The following TMEM143 variants were observed in gnomAD, a reference collection of about 807,000 sequenced individuals.
The protein encoded by TMEM143 is transmembrane protein 143.
TMEM143 carries 45 observed loss-of-function variants against 40.3 expected under a neutral mutation model. That is an observed-to-expected ratio of 1.12 (90% CI 0.88 to 1.43). TMEM143 has a LOEUF of 1.43. Among genes scored for constraint, TMEM143 ranks in the 40% most tolerant of loss-of-function variants. The pLI is 0.00. For synonymous variants in TMEM143, 299 were observed against 282.7 expected (o/e 1.06, Z -0.58); for missense variants, 620 against 613.4 (o/e 1.01, Z -0.11).
intron 6 of TMEM143, among the ~76,000 whole-genome samples, chr19:48,334,438 C>T (rs1555885551): frequency 8.4e-5 from 3 of 35,630 alleles, no homozygotes; most frequent in African/African-American, 1.4e-4. Flanking sequence ...TTCTTTCTTT[C>T]TTTCTTTCTT....
At chr19:48,334,497 G>T (rs924238849) in intron 6 of TMEM143, among the ~76,000 whole-genome samples, 43 of 45,548 alleles carry the variant, frequency 9.4e-4, no homozygotes, top group South Asian at 3.9e-3. Context: ...TCTTTCTTTC[G>T]TTCTTTCTTT....
chr19:48,343,059 T>G, intron 5 of TMEM143: 1 of 670,642 alleles, frequency 1.5e-6, no homozygotes. Flanking sequence ...ATCTTCAGAA[T>G]GTGGACCTCC....
At position 48,345,333 on chromosome 19, in the gene TMEM143, G is replaced by T; in HGVS notation, c.391C>A (p.Pro131Thr). ...GGCTGATCGAGGGTCTCCCTGTCAG[G>T]GTTGATGGGGTCATATAAGGCCTAA... ...RLQALYDPIN[P>T]DRETLDQPSL... is the part of the protein sequence containing the mutation. The change falls in exon 4 of 8, where the codon CCT (proline) becomes ACT (threonine). Residue 131 changes from proline (P) to threonine (T), a missense_variant. Transcript: ENST00000293261. 6.3e-7 allele frequency: 1 copy of T among 1,576,178 alleles called. No homozygotes were observed. The highest frequency in any genetic ancestry group is 8.6e-7 in the Non-Finnish European group (1 of 1,162,914).
Position 48,334,265 on chromosome 19 carries a change from G to GTCAC in TMEM143, c.976-72_976-69dup. On this transcript the variant is annotated intron_variant, in intron 6 of 7. Transcript: ENST00000293261. ...CCCCCACCCATACACAGCCCCCGGGGTCACCCCCGCTGGCACGGCCCACGC... is the reference window on the plus strand; with the variant it reads ...CCCCCACCCATACACAGCCCCCGGGGTCACTCACCCCCGCTGGCACGGCCCACGC... The GTCAC allele has an allele frequency of 2.7e-6, 4 of 1,479,980 alleles. No individual in the cohort carries two copies. The South Asian group carries it at 5.1e-5, about 19-fold the overall frequency. 91.7% of individuals were successfully genotyped at this position (1,479,980 alleles called of 1,614,324 possible). A position where few individuals can be genotyped will look rare whatever the true frequency, so the allele number is the denominator to read the frequency against.
chr19:48,333,450 AGGT>A lies in TMEM143; in HGVS notation c.1166-20_1166-18del. 9.2e-6 allele frequency: 14 copies of A among 1,516,526 alleles called. No homozygotes were observed. Among genetic ancestry groups the A allele is most frequent in the African/African-American group, 1.4e-5 (1 of 72,834 alleles). 93.9% of individuals were successfully genotyped at this position (1,516,526 alleles called of 1,614,324 possible). A position where few individuals can be genotyped will look rare whatever the true frequency, so the allele number is the denominator to read the frequency against. Reference sequence around the variant, plus strand: ...TGGAGGTCTCTGCAAGGGGAGAGGCAGGTGTTCTGAGGTCACACTGAGATCGGG... The same window carrying A: ...TGGAGGTCTCTGCAAGGGGAGAGGCAGTTCTGAGGTCACACTGAGATCGGG... On this transcript the variant is annotated intron_variant, in intron 7 of 7. Transcript: ENST00000293261. The surrounding 1 kb of genome is among the most constrained non-coding windows in gnomAD (Gnocchi z 4.1).
chr19:48,344,953 C>G (rs1969586267), intron 4 of TMEM143, among the ~76,000 whole-genome samples: 1 of 152,192 alleles, frequency 6.6e-6, no homozygotes, highest in Non-Finnish European at 1.5e-5. Context: ...GGTGATCCAC[C>G]CACCTTGGAC....
chr19:48,338,845 A>G (rs1969428154), intron 6 of TMEM143, among the ~76,000 whole-genome samples: 1 of 152,074 alleles, frequency 6.6e-6, no homozygotes, highest in Non-Finnish European at 1.5e-5. Context: ...CCAGCCTGGG[A>G]CATCCGGGAA....
intron 3 of TMEM143, among the ~76,000 whole-genome samples, chr19:48,351,669 A>G (rs1969777858): frequency 1.3e-5 from 2 of 151,686 alleles, no homozygotes; most frequent in South Asian, 4.2e-4. Flanking sequence ...TCCACACACC[A>G]TGCACACTGC....
At chr19:48,360,428 A>C (rs1365556286) in intron 2 of TMEM143, 1 of 388,156 alleles carries the variant, frequency 2.6e-6, no homozygotes, top group Non-Finnish European at 4.8e-6. Flanking sequence ...AAATACAAAA[A>C]TTAGCCGGGC....
chr19:48,361,824 G>T (rs1970047616), intron 2 of TMEM143, among the ~76,000 whole-genome samples: 1 of 152,186 alleles, frequency 6.6e-6, no homozygotes, highest in Non-Finnish European at 1.5e-5. Context: ...ACCGCGCCCG[G>T]CCTTGAACCA....
chr19:48,336,593 T>G (rs1029747162), intron 6 of TMEM143, among the ~76,000 whole-genome samples: 2 of 151,988 alleles, frequency 1.3e-5, no homozygotes, highest in African/African-American at 4.8e-5. Flanking sequence ...TTCCCGCTAC[T>G]CAGGAGGCTG....
chr19:48,363,521 T>C lies in TMEM143; in HGVS notation c.34A>G (p.Lys12Glu), dbSNP rs769823504. 11 of 1,609,388 alleles carry C rather than the reference T, an allele frequency of 6.8e-6. No individual in the cohort carries two copies. The highest frequency in any genetic ancestry group is 9.3e-6 in the Non-Finnish European group (11 of 1,177,580). The part of the protein sequence containing the change: ...TVELWLRLRG[K>E]GLAMLHVTRG... Reference sequence around the variant, plus strand: ...GTCACATGCAGCATGGCTAGACCCTTTCCCCGGAGCCTAAACAGAGGAAAA... The same window carrying C: ...GTCACATGCAGCATGGCTAGACCCTCTCCCCGGAGCCTAAACAGAGGAAAA... The change falls in exon 2 of 8, where the codon AAG becomes GAG. Residue 12 changes from lysine (K) to glutamate (E), a missense_variant. By Grantham distance (56) the Lys-to-Glu change is moderately conservative (BLOSUM62 1). Coordinates refer to ENST00000293261, the MANE Select transcript of TMEM143 (RefSeq NM_018273.4).
chr19:48,340,697 TG>T (rs1359800846), intron 6 of TMEM143, among the ~76,000 whole-genome samples: 1 of 152,132 alleles, frequency 6.6e-6, no homozygotes, highest in East Asian at 1.9e-4. Context: ...CGGGCCTCCC[TG>T]CCTCTCATCT....
At position 48,342,682 on chromosome 19, in the gene TMEM143, T is replaced by C. The variant is rs1969525491; in HGVS notation, c.823A>G (p.Thr275Ala). The C allele has an allele frequency of 1.9e-6, 3 of 1,614,128 alleles. No homozygotes were observed. Among genetic ancestry groups the C allele is most frequent in the Non-Finnish European group, 2.5e-6 (3 of 1,180,002 alleles). The stretch of plus-strand genomic sequence containing the variant: ...AGGTTGAGCAGGGCGCGCTGCAGGG[T>C]GGGCGTGCGCACCTTCAGCTCCGGC... ...LLPELKVRTP[T>A]LQRALLNLML... is the part of the protein sequence containing the mutation. Residue 275 changes from threonine to alanine, a missense_variant, in exon 6 of 8, where the codon ACC (threonine) becomes GCC (alanine). Thr to Ala is a moderately conservative substitution (Grantham distance 58). Coordinates refer to ENST00000293261, the MANE Select transcript of TMEM143 (RefSeq NM_018273.4).
At chr19:48,349,657 CA>C (rs999142819) in intron 3 of TMEM143, among the ~76,000 whole-genome samples, 63 of 141,694 alleles carry the variant, frequency 4.4e-4, no homozygotes, top group South Asian at 6.7e-4. Flanking sequence ...GTCTCTGGCT[CA>C]AAAAAAAAAA....
chr19:48,359,801 C>T, intron 3 of TMEM143: 1 of 347,304 alleles, frequency 2.9e-6, no homozygotes, highest in Non-Finnish European at 5.2e-6. Context: ...GCCACCGCGC[C>T]CGACCCATCT....
chr19:48,336,627 G>A (rs62131985), intron 6 of TMEM143, among the ~76,000 whole-genome samples: 8,816 of 152,072 alleles, frequency 0.058, 392 homozygotes, highest in African/African-American at 0.12. Flanking sequence ...TCTTGAACCC[G>A]GGAGGCAGAA....
chr19:48,346,340 C>T (rs1429699530), intron 3 of TMEM143, among the ~76,000 whole-genome samples: 1 of 152,002 alleles, frequency 6.6e-6, no homozygotes, highest in African/African-American at 2.4e-5. Flanking sequence ...GATGCAACCA[C>T]CTCGGCCTCC....
chr19:48,347,546 C>G (rs960366049), intron 3 of TMEM143, among the ~76,000 whole-genome samples: 19 of 149,188 alleles, frequency 1.3e-4, no homozygotes, highest in Non-Finnish European at 1.5e-4. Context: ...AATCCTGTCT[C>G]TACAAAACTT....
Sources: gnomAD v4.1 joint callset for allele counts (sites outside exome capture counted in the v4.1 genomes callset) on GRCh38, gnomAD v4.1.1 for gene constraint, Gnocchi (gnomAD v3.1) non-coding constraint, MANE v1.5 for transcripts, NCBI Gene and HGNC (gene_info 2026-07-23, HGNC 2026-07-21) for gene names.